MMP26: variants seen among roughly 807,000 people sequenced by gnomAD.
MMP26 encodes matrix metalloproteinase-26.
A neutral mutation model predicts 31.0 loss-of-function variants in MMP26; 33 were observed. The observed-to-expected ratio is 1.06, with a 90% CI of 0.81 to 1.42. The LOEUF is 1.42. MMP26 is among the 40% of genes most tolerant of loss of function. The probability of loss-of-function intolerance (pLI) is 0.00; values close to 1 mark genes in which losing one functional copy is unlikely to be tolerated. For synonymous variants in MMP26, 122 were observed against 114.9 expected (o/e 1.06, Z -0.40); for missense variants, 347 against 316.1 (o/e 1.10, Z -0.74).
chr11:4,739,119 G>T (rs894377269), intron 1 of MMP26, among the ~76,000 whole-genome samples: 8 of 152,146 alleles, frequency 5.3e-5, no homozygotes, highest in Non-Finnish European at 8.8e-5. Context: ...AAGCTTCAGG[G>T]ATAGGAGTGA....
At chr11:4,981,899 G>T (rs770156455) in intron 2 of MMP26, among the ~76,000 whole-genome samples, 29 of 151,552 alleles carry the variant, frequency 1.9e-4, no homozygotes, top group Admixed American at 5.9e-4. Context: ...ACAGGCTCAG[G>T]ATCATCAATA....
rs1208466552 is a variant in MMP26 at position 4,781,594 on chromosome 11, A to C, written c.-145+14253A>C. Among the ~76,000 whole-genome samples the C allele has an allele frequency of 1.5e-5, 2 of 134,250 alleles. 1 individual carries two copies. Among genetic ancestry groups the C allele is most frequent in the African/African-American group, 5.1e-5 (2 of 38,966 alleles). 88.1% of individuals were successfully genotyped at this position (134,250 alleles called of 152,430 possible). ...AAAAAAAAAAAAAAAAAAAAAAAAA[A>C]AAAAAAAAAAAAACTGATTGCATAA... On this transcript the variant is annotated intron_variant, in intron 2 of 7. Coordinates refer to ENST00000380390, the MANE Select transcript of MMP26 (RefSeq NM_021801.5).
At chr11:4,833,411 G>C (rs1244610176) in intron 2 of MMP26, among the ~76,000 whole-genome samples, 1 of 152,096 alleles carries the variant, frequency 6.6e-6, no homozygotes, top group Non-Finnish European at 1.5e-5. Flanking sequence ...ACTGTGGCTG[G>C]GAGAGTCCTA....
chr11:4,988,563 C>T (rs1391535950), intron 3 of MMP26, among the ~76,000 whole-genome samples: 1 of 152,102 alleles, frequency 6.6e-6, no homozygotes, highest in Non-Finnish European at 1.5e-5. Context: ...AGCCCCATTG[C>T]TCATCTCTCA....
intron 2 of MMP26, among the ~76,000 whole-genome samples, chr11:4,981,316 C>T (rs907713029): frequency 1.3e-5 from 2 of 151,968 alleles, no homozygotes; most frequent in Non-Finnish European, 2.9e-5. Context: ...ATGAGAACAT[C>T]GTAGAGTGTA....
Position 4,986,926 on chromosome 11 carries a change from TCTCTCC to T in MMP26, c.-144-1136_-144-1131del, listed in dbSNP as rs1327704847. On this transcript the variant is annotated intron_variant, in intron 2 of 7. Coordinates refer to ENST00000380390, the MANE Select transcript of MMP26 (RefSeq NM_021801.5). ...TCCTTTCTCTCTCTCTCTCTCTCTCTCTCTCCCTCTCTCTCTCTCTCTCTCTCTCTC... is the reference window on the plus strand; with the variant it reads ...TCCTTTCTCTCTCTCTCTCTCTCTCTCTCTCTCTCTCTCTCTCTCTCTCTC... 5.8e-4 allele frequency among the ~76,000 whole-genome samples: 57 copies of T among 98,630 alleles called. 3 individuals carry two copies. Among genetic ancestry groups the T allele is most frequent in the African/African-American group, 2.0e-3 (51 of 26,110 alleles). 64.7% of individuals were successfully genotyped at this position (98,630 alleles called of 152,430 possible). A position where few individuals can be genotyped will look rare whatever the true frequency, so the allele number is the denominator to read the frequency against.
At chr11:4,962,412 T>C (rs993122544) in intron 2 of MMP26, among the ~76,000 whole-genome samples, 2 of 152,178 alleles carry the variant, frequency 1.3e-5, no homozygotes, top group African/African-American at 4.8e-5. Context: ...TATTTATCAA[T>C]AGAAAAATAT....
At chr11:4,771,310 A>G (rs1304633047) in intron 2 of MMP26, among the ~76,000 whole-genome samples, 1 of 152,238 alleles carries the variant, frequency 6.6e-6, no homozygotes, top group African/African-American at 2.4e-5. Flanking sequence ...GAGGACCATC[A>G]TTTGCACTGA....
At chr11:4,775,472 G>T (rs1020754323) in intron 2 of MMP26, among the ~76,000 whole-genome samples, 7 of 152,140 alleles carry the variant, frequency 4.6e-5, no homozygotes, top group Non-Finnish European at 7.4e-5. Context: ...TCTGCACATT[G>T]ATTTGACTGC....
rs1846934695 is a variant in MMP26 at position 4,988,249 on chromosome 11, C to T, written c.38C>T (p.Pro13Leu). Reference protein sequence around the residue: ...LVILRVTIFLPWCFAVPVPPA... With the variant: ...LVILRVTIFLLWCFAVPVPPA... ...ATCTTAAGAGTTACTATCTTCTTGC[C>T]CTGGTGTTTCGCCGTTCCAGTGCCC... Residue 13 changes from proline to leucine, a missense_variant, in exon 3 of 8, where the codon CCC becomes CTC. Transcript: ENST00000380390. The T allele has an allele frequency of 1.2e-6, 2 of 1,613,994 alleles. No individual in the cohort carries two copies. Among genetic ancestry groups the T allele is most frequent in the Non-Finnish European group, 1.7e-6 (2 of 1,180,002 alleles).
At chr11:4,708,147 C>T (rs892804838) in intron 1 of MMP26, among the ~76,000 whole-genome samples, 1 of 152,132 alleles carries the variant, frequency 6.6e-6, no homozygotes, top group Non-Finnish European at 1.5e-5. Context: ...TCCCGATTCT[C>T]GTATGTAAAG....
At chr11:4,951,668 TAGGGG>T (rs1846375362) in intron 2 of MMP26, among the ~76,000 whole-genome samples, 1 of 123,950 alleles carries the variant, frequency 8.1e-6, no homozygotes, top group African/African-American at 2.7e-5. Flanking sequence ...GTCACAGTGA[TAGGGG>T]TTGTGGCACA....
At chr11:4,834,375 A>C (rs112521523) in intron 2 of MMP26, among the ~76,000 whole-genome samples, 2 of 152,174 alleles carry the variant, frequency 1.3e-5, no homozygotes, top group Admixed American at 1.3e-4. Context: ...GGCATTGTGA[A>C]TGGAACCAGA....
chr11:4,882,727 C>G, intron 2 of MMP26: 1 of 1,613,932 alleles, frequency 6.2e-7, no homozygotes, highest in South Asian at 1.1e-5. Flanking sequence ...TGCTCTGTAG[C>G]ACTTTGGCCA....
At position 4,925,258 on chromosome 11, in the gene MMP26, T is replaced by A. The variant is rs79523851; in HGVS notation, c.-144-62810T>A. Among the ~76,000 whole-genome samples the A allele has an allele frequency of 3.8e-4, 58 of 152,268 alleles. No individual in the cohort carries two copies. The East Asian group carries it at 0.011, about 28-fold the overall frequency. ...TAAACCCTGACATTGTACTGCAAAG[T>A]CTATGTTATTGGACATTAAACCGTA... On this transcript the variant is annotated intron_variant, in intron 2 of 7. Coordinates refer to ENST00000380390, the MANE Select transcript of MMP26 (RefSeq NM_021801.5).
chr11:4,978,828 T>C (rs1846774768), intron 2 of MMP26, among the ~76,000 whole-genome samples: 1 of 152,164 alleles, frequency 6.6e-6, no homozygotes, highest in Non-Finnish European at 1.5e-5. Context: ...CAACGCCAGG[T>C]CATAAATTAG....
At chr11:4,860,301 C>G (rs1323442736) in intron 2 of MMP26, 1 of 471,314 alleles carries the variant, frequency 2.1e-6, no homozygotes, top group Non-Finnish European at 4.4e-6. Flanking sequence ...GGGCATTAAA[C>G]CAGTAGATGC....
At chr11:4,767,793 C>G (rs1212912392) in intron 2 of MMP26, among the ~76,000 whole-genome samples, 1 of 152,184 alleles carries the variant, frequency 6.6e-6, no homozygotes, top group Admixed American at 6.5e-5. Context: ...TGGTACATTT[C>G]TTCCACCTAT....
intron 2 of MMP26, among the ~76,000 whole-genome samples, chr11:4,793,291 C>G (rs1849056986): frequency 6.6e-6 from 1 of 152,144 alleles, no homozygotes; most frequent in South Asian, 2.1e-4. Context: ...GTGCAAATCT[C>G]CTTGAGGAAC....
Sources: allele counts gnomAD v4.1 joint callset (sites outside exome capture counted in the v4.1 genomes callset), GRCh38; gene constraint gnomAD v4.1.1; transcripts MANE v1.5; gene names NCBI Gene and HGNC (gene_info 2026-07-23, HGNC 2026-07-21).